The following ADGRL2 variants were observed in gnomAD, a reference collection of about 807,000 sequenced individuals.
ADGRL2 encodes the protein calcium-independent alpha-latrotoxin receptor 2.
A neutral mutation model predicts 157.4 loss-of-function variants in ADGRL2; 44 were observed. The ratio of observed to expected loss-of-function variants is 0.28; its 90% CI spans 0.22 to 0.36. ADGRL2 has a LOEUF of 0.36. ADGRL2 is among the 10% of genes least tolerant of loss of function. ADGRL2 has a pLI of 1.00. For missense variants in ADGRL2, 1,510 were observed against 1,768.9 expected (o/e 0.85, Z 2.63); for synonymous variants, 585 against 624.7 (o/e 0.94, Z 0.95).
intron 2 of ADGRL2, among the ~76,000 whole-genome samples, chr1:81,512,122 GTCT>G: frequency 6.6e-6 from 1 of 152,076 alleles, no homozygotes; most frequent in Non-Finnish European, 1.5e-5. Context: ...GCTATGCACA[GTCT>G]TCTACAGTTT....
chr1:81,825,383 T>G (rs2091378029), intron 1 of ADGRL2, among the ~76,000 whole-genome samples: 1 of 151,980 alleles, frequency 6.6e-6, no homozygotes, highest in Non-Finnish European at 1.5e-5. Flanking sequence ...GGAGTCTTGC[T>G]CTGTTGCCAG....
chr1:81,656,324 A>G (rs1411989219), intron 3 of ADGRL2, among the ~76,000 whole-genome samples: 2 of 152,196 alleles, frequency 1.3e-5, no homozygotes, highest in South Asian at 4.1e-4. Flanking sequence ...GACCTACCTC[A>G]CTGAAGTTAA....
intron 2 of ADGRL2, among the ~76,000 whole-genome samples, chr1:81,451,872 G>A (rs1022965988): frequency 2.6e-5 from 4 of 151,924 alleles, no homozygotes; most frequent in African/African-American, 9.7e-5. Context: ...ACATTATAAA[G>A]ACACGGCATT....
At chr1:81,936,894 A>T in intron 4 of ADGRL2, 57 bp downstream of exon 4, 1 of 1,011,196 alleles carries the variant, frequency 9.9e-7, no homozygotes, top group South Asian at 1.3e-5. Flanking sequence ...GTTGATGCTG[A>T]AAGACTACAC....
At chr1:81,357,239 T>C (rs1237541466) in intron 1 of ADGRL2, among the ~76,000 whole-genome samples, 3 of 152,142 alleles carry the variant, frequency 2.0e-5, no homozygotes, top group Non-Finnish European at 4.4e-5. Context: ...CTTTGCACCA[T>C]GATTTATGTT....
At chr1:81,597,109 G>A (rs889730103) in intron 3 of ADGRL2, among the ~76,000 whole-genome samples, 1 of 152,294 alleles carries the variant, frequency 6.6e-6, no homozygotes, top group East Asian at 1.9e-4. Context: ...CCTGAGAAAA[G>A]TATGTAACAA....
chr1:81,438,043 A>G (rs1438974095), intron 1 of ADGRL2, among the ~76,000 whole-genome samples: 2 of 149,356 alleles, frequency 1.3e-5, no homozygotes, highest in Admixed American at 1.4e-4. Flanking sequence ...TTTGGGGAAA[A>G]AAAAAAAAAA....
At chr1:81,335,966 A>G (rs1466057745) in intron 1 of ADGRL2, among the ~76,000 whole-genome samples, 2 of 152,214 alleles carry the variant, frequency 1.3e-5, no homozygotes, top group Admixed American at 6.5e-5. Context: ...TGGAATCTAG[A>G]TTCCAAAAAT....
chr1:81,693,723 G>C (rs2083387872), intron 3 of ADGRL2, among the ~76,000 whole-genome samples: 1 of 152,050 alleles, frequency 6.6e-6, no homozygotes, highest in Non-Finnish European at 1.5e-5. Context: ...CTTTGGTTTG[G>C]TAAACAGGGA....
chr1:81,635,742 A>C (rs2082102497), intron 3 of ADGRL2, among the ~76,000 whole-genome samples: 2 of 152,310 alleles, frequency 1.3e-5, no homozygotes, highest in South Asian at 4.1e-4. Flanking sequence ...ATTGGGGCAT[A>C]AGATTTCAAT....
intron 1 of ADGRL2, among the ~76,000 whole-genome samples, chr1:81,827,758 T>G (rs1469543364): frequency 6.6e-6 from 1 of 152,028 alleles, no homozygotes; most frequent in African/African-American, 2.4e-5. Context: ...AGAGATGGGA[T>G]TTCACCAAGT....
intron 2 of ADGRL2, among the ~76,000 whole-genome samples, chr1:81,532,197 T>C (rs2079616693): frequency 6.6e-6 from 1 of 152,170 alleles, no homozygotes; most frequent in African/African-American, 2.4e-5. Context: ...TCAGCTCCAT[T>C]ATTATTAGTA....
chr1:81,884,793 A>ATC (rs1420639136), intron 2 of ADGRL2, among the ~76,000 whole-genome samples: 1 of 152,196 alleles, frequency 6.6e-6, no homozygotes, highest in Non-Finnish European at 1.5e-5. Flanking sequence ...GATGAAGAAA[A>ATC]TCATTTTGAT....
intron 11 of ADGRL2, among the ~76,000 whole-genome samples, chr1:81,959,278 A>G (rs1193328546): frequency 8.6e-5 from 13 of 152,038 alleles, no homozygotes; most frequent in Non-Finnish European, 8.8e-5. Context: ...ACCTCCTTTC[A>G]TGTGTTTATT....
intron 3 of ADGRL2, among the ~76,000 whole-genome samples, chr1:81,633,553 A>T (rs895081928): frequency 6.8e-6 from 1 of 146,214 alleles, no homozygotes; most frequent in Non-Finnish European, 1.5e-5. Flanking sequence ...CCTAGATCAC[A>T]TCACTGCACT....
At chr1:81,870,172 A>T (rs1184658686) in intron 2 of ADGRL2, among the ~76,000 whole-genome samples, 3 of 150,716 alleles carry the variant, frequency 2.0e-5, no homozygotes, top group Non-Finnish European at 4.4e-5. Context: ...TTTTATTATA[A>T]TTTTTTGATA....
At chr1:81,459,943 C>T (rs1374328178) in intron 2 of ADGRL2, among the ~76,000 whole-genome samples, 2 of 151,892 alleles carry the variant, frequency 1.3e-5, no homozygotes, top group Non-Finnish European at 2.9e-5. Flanking sequence ...ATAGCAGCTG[C>T]ACAATTTTGC....
intron 2 of ADGRL2, among the ~76,000 whole-genome samples, chr1:81,574,705 AT>A (rs994342713): frequency 1.3e-5 from 2 of 152,146 alleles, no homozygotes; most frequent in African/African-American, 4.8e-5. Flanking sequence ...AACTGGACTC[AT>A]TTCACTGCTT....
intron 1 of ADGRL2, among the ~76,000 whole-genome samples, chr1:81,744,379 G>A (rs955635596): frequency 6.6e-6 from 1 of 152,066 alleles, no homozygotes; most frequent in Non-Finnish European, 1.5e-5. Context: ...AAAACAACTT[G>A]CTCAAAGTCA....
Sources: gnomAD v4.1 joint callset for allele counts (sites outside exome capture counted in the v4.1 genomes callset) on GRCh38, gnomAD v4.1.1 for gene constraint, MANE v1.5 for transcripts, NCBI Gene and HGNC (gene_info 2026-07-23, HGNC 2026-07-21) for gene names.